Variants in MYLK observed in about 807,000 individuals in gnomAD.
The protein encoded by MYLK is myosin light chain kinase.
In MYLK, 106 loss-of-function variants were observed where a neutral mutation model predicts 203.4. The observed-to-expected ratio is 0.52, with a 90% CI of 0.45 to 0.61. MYLK has a LOEUF of 0.61. MYLK is among the 20% of genes least tolerant of loss of function. The pLI, the probability that MYLK is intolerant of heterozygous loss-of-function variation, is 0.00. For missense variants in MYLK, 2,072 were observed against 2,442.3 expected (o/e 0.85, Z 3.20); for synonymous variants, 867 against 959.5 (o/e 0.90, Z 1.78).
rs575537651 is a variant in MYLK at position 123,773,252 on chromosome 3, G to A, written c.165+20425C>T. On this transcript the variant is annotated intron_variant, in intron 4 of 33. Coordinates refer to ENST00000360304, the MANE Select transcript of MYLK (RefSeq NM_053025.4). ...TAATATCCATAATGTAACTTTTAAC[G>A]ATTTACTTTCTCCTTGTTACAATAG... Among the ~76,000 whole-genome samples the A allele has an allele frequency of 5.9e-5, 9 of 152,074 alleles. No individual in the cohort carries two copies. In the East Asian group the frequency reaches 1.5e-3, roughly 26 times the overall value.
intron 20 of MYLK, among the ~76,000 whole-genome samples, chr3:123,679,073 C>T (rs531502536): frequency 5.6e-4 from 86 of 152,272 alleles, no homozygotes; most frequent in African/African-American, 2.0e-3. Flanking sequence ...CTTTGGGAGG[C>T]TGAGGCGGGC....
intron 18 of MYLK, among the ~76,000 whole-genome samples, chr3:123,697,234 A>C (rs2060966523): frequency 6.6e-6 from 1 of 152,216 alleles, no homozygotes; most frequent in Non-Finnish European, 1.5e-5. Context: ...TTTCCTTAAC[A>C]AAACACTGGG....
At chr3:123,704,533 G>A (rs562385131) in intron 16 of MYLK, among the ~76,000 whole-genome samples, 1 of 152,282 alleles carries the variant, frequency 6.6e-6, no homozygotes, top group Admixed American at 6.5e-5. Flanking sequence ...TTCCACTCTG[G>A]TTACAAAGCC....
At position 123,640,577 on chromosome 3, in the gene MYLK, G is replaced by T; in HGVS notation, c.4620-73C>A. 1.3e-6 allele frequency: 2 copies of T among 1,520,992 alleles called. No individual in the cohort carries two copies. Among genetic ancestry groups the T allele is most frequent in the Non-Finnish European group, 1.8e-6 (2 of 1,099,806 alleles). 94.2% of individuals were successfully genotyped at this position (1,520,992 alleles called of 1,614,324 possible). On this transcript the variant is annotated intron_variant, in intron 27 of 33. Transcript: ENST00000360304. This position sits in a 1 kb window ranked among gnomAD's most constrained non-coding sequence, Gnocchi z 4.3. ...CCAGGCTGGCAGGGAGTCTGGCCAG[G>T]GTAGGCTGGGGGTAGGAGAAATTGG...
intron 3 of MYLK, among the ~76,000 whole-genome samples, chr3:123,831,048 G>T (rs1018257459): frequency 5.9e-5 from 9 of 152,132 alleles, no homozygotes; most frequent in African/African-American, 2.2e-4. Context: ...CACAGAACTA[G>T]CTATGGTTAT....
intron 28 of MYLK, chr3:123,638,859 T>C (rs757795335): frequency 1.4e-5 from 14 of 985,452 alleles, no homozygotes; most frequent in Non-Finnish European, 1.6e-5. Context: ...GGACCAGAGA[T>C]GTCTGTTAAT....
At chr3:123,652,169 G>A (rs938583524) in intron 24 of MYLK, among the ~76,000 whole-genome samples, 3 of 152,102 alleles carry the variant, frequency 2.0e-5, no homozygotes, top group Non-Finnish European at 4.4e-5. Context: ...CACAAGGGGA[G>A]GAGTGAGAGA....
At chr3:123,789,744 G>A (rs2064701532) in intron 4 of MYLK, among the ~76,000 whole-genome samples, 1 of 151,452 alleles carries the variant, frequency 6.6e-6, no homozygotes, top group African/African-American at 2.4e-5. Flanking sequence ...GGTCAAATCA[G>A]TAGATGCTAA....
intron 3 of MYLK, among the ~76,000 whole-genome samples, chr3:123,797,462 G>A (rs1279880254): frequency 1.3e-5 from 2 of 152,108 alleles, no homozygotes; most frequent in Non-Finnish European, 2.9e-5. Flanking sequence ...ACAGGGCTGC[G>A]GAAGGAATGG....
intron 16 of MYLK, among the ~76,000 whole-genome samples, chr3:123,706,821 C>T (rs1012263074): frequency 3.3e-5 from 5 of 150,072 alleles, no homozygotes; most frequent in African/African-American, 7.5e-5. Context: ...CCTCATGGAG[C>T]TGACCTTCCC....
chr3:123,620,518 AGT>A, intron 31 of MYLK, 182 bp from the exon 32 acceptor site: 3 of 1,469,030 alleles, frequency 2.0e-6, no homozygotes, highest in African/African-American at 1.4e-5. Flanking sequence ...CAGCACTGTC[AGT>A]GTGTCAGAAG....
chr3:123,736,116 C>T (rs1025307607), intron 8 of MYLK, among the ~76,000 whole-genome samples: 1 of 152,156 alleles, frequency 6.6e-6, no homozygotes, highest in African/African-American at 2.4e-5. Context: ...AGCAGTGAGC[C>T]ACCAAGTCAG....
chr3:123,810,800 G>T (rs2065532920), intron 3 of MYLK, among the ~76,000 whole-genome samples: 1 of 152,178 alleles, frequency 6.6e-6, no homozygotes, highest in Non-Finnish European at 1.5e-5. Flanking sequence ...GTCTCCCAAA[G>T]GACACCCTCC....
chr3:123,834,171 A>G (rs1288632928), intron 2 of MYLK, among the ~76,000 whole-genome samples: 1 of 151,994 alleles, frequency 6.6e-6, no homozygotes, highest in African/African-American at 2.4e-5. Flanking sequence ...TCAGTCTCCC[A>G]AGTAGTTGGG....
intron 2 of MYLK, among the ~76,000 whole-genome samples, chr3:123,867,870 C>G (rs1381696595): frequency 2.6e-5 from 4 of 152,218 alleles, no homozygotes; most frequent in Non-Finnish European, 5.9e-5. Flanking sequence ...ACTCCTGCCT[C>G]CCCCAACACC....
Position 123,645,496 on chromosome 3 carries a change from C to A in MYLK, c.4619+1728G>T. Among the ~76,000 whole-genome samples the A allele has an allele frequency of 1.3e-5, 2 of 152,116 alleles. 1 individual carries two copies. Among genetic ancestry groups the A allele is most frequent in the Non-Finnish European group, 2.9e-5 (2 of 68,044 alleles). On this transcript the variant is annotated intron_variant, in intron 27 of 33. Transcript: ENST00000360304. ...GAGAATTCCAAGATGCTAACAGAGCCCTCACCAAAGGACAGAGACCCCCCA... is the reference window on the plus strand; with the variant it reads ...GAGAATTCCAAGATGCTAACAGAGCACTCACCAAAGGACAGAGACCCCCCA...
chr3:123,863,279 A>G (rs1328485784), intron 2 of MYLK, among the ~76,000 whole-genome samples: 1 of 151,896 alleles, frequency 6.6e-6, no homozygotes, highest in Non-Finnish European at 1.5e-5. Flanking sequence ...CTATAGTTAT[A>G]AAGCTTCTAG....
At chr3:123,820,506 C>T (rs1234769315) in intron 3 of MYLK, among the ~76,000 whole-genome samples, 1 of 152,220 alleles carries the variant, frequency 6.6e-6, no homozygotes, top group Non-Finnish European at 1.5e-5. Flanking sequence ...CTGCCTCCTA[C>T]CACTACTTCC....
chr3:123,610,128 A>G lies in MYLK; in HGVS notation c.*3977T>C, dbSNP rs1235897040. 1 of 152,252 alleles carries G rather than the reference A, an allele frequency of 6.6e-6. No individual in the cohort carries two copies. Among genetic ancestry groups the G allele is most frequent in the Non-Finnish European group, 1.5e-5 (1 of 68,038 alleles). The allele number at this position is 152,252 out of a possible 1,614,324, so 9.4% of individuals were successfully genotyped here. A position where few individuals can be genotyped will look rare whatever the true frequency, so the allele number is the denominator to read the frequency against. On this transcript the variant is annotated 3_prime_UTR_variant, in exon 34 of 34. Transcript: ENST00000360304. ...CTCTAGACTTTCACACAAGCTTTTCAGTTTTAATTTCACATAATTTGAAAA... is the reference window on the plus strand; with the variant it reads ...CTCTAGACTTTCACACAAGCTTTTCGGTTTTAATTTCACATAATTTGAAAA...
Sources: gnomAD v4.1 joint callset for allele counts (sites outside exome capture counted in the v4.1 genomes callset) on GRCh38, gnomAD v4.1.1 for gene constraint, Gnocchi (gnomAD v3.1) non-coding constraint, MANE v1.5 for transcripts, NCBI Gene and HGNC (gene_info 2026-07-23, HGNC 2026-07-21) for gene names.